The following NAALADL2 variants were observed in gnomAD, a reference collection of about 807,000 sequenced individuals.
NAALADL2 encodes inactive N-acetylated-alpha-linked acidic dipeptidase-like protein 2.
Under a neutral mutation model 87.2 loss-of-function variants are expected in NAALADL2, and 76 were observed. That is an observed-to-expected ratio of 0.87 (90% CI 0.72 to 1.05). The LOEUF (loss-of-function observed/expected upper bound fraction) is 1.05. Ranked by LOEUF, NAALADL2 falls within the 50% of genes least tolerant of loss-of-function variation. NAALADL2 has a pLI of 0.00. For missense variants in NAALADL2, 1,089 were observed against 945.8 expected (o/e 1.15, Z -1.99); for synonymous variants, 354 against 331.0 (o/e 1.07, Z -0.75).
intron 2 of NAALADL2, among the ~76,000 whole-genome samples, chr3:174,591,002 C>G (rs973387304): frequency 3.3e-5 from 5 of 152,122 alleles, no homozygotes; most frequent in African/African-American, 1.2e-4. Flanking sequence ...AATAATACAA[C>G]CACAGCAACA....
intron 2 of NAALADL2, among the ~76,000 whole-genome samples, chr3:174,551,631 T>A (rs1712139451): frequency 6.6e-6 from 1 of 152,194 alleles, no homozygotes; most frequent in African/African-American, 2.4e-5. Context: ...AACTACTATA[T>A]TATTTCGTGA....
At chr3:174,529,647 A>G (rs1207198012) in intron 1 of NAALADL2, among the ~76,000 whole-genome samples, 1 of 152,134 alleles carries the variant, frequency 6.6e-6, no homozygotes, top group Non-Finnish European at 1.5e-5. Flanking sequence ...ATTTTCATAC[A>G]TCCTTTGAAA....
chr3:175,763,737 G>A (rs536737652), intron 13 of NAALADL2, among the ~76,000 whole-genome samples: 58 of 152,242 alleles, frequency 3.8e-4, no homozygotes, highest in Non-Finnish European at 6.3e-4. Context: ...CATTAAGAGG[G>A]CACATCTCCA....
intron 1 of NAALADL2, among the ~76,000 whole-genome samples, chr3:175,003,007 TC>T (rs1218661252): frequency 2.6e-5 from 4 of 152,202 alleles, no homozygotes; most frequent in African/African-American, 4.8e-5. Context: ...ACAAGGGACA[TC>T]TTTTCTGATT....
chr3:175,493,000 A>G (rs1479016528), intron 9 of NAALADL2, among the ~76,000 whole-genome samples: 1 of 152,066 alleles, frequency 6.6e-6, no homozygotes, highest in African/African-American at 2.4e-5. Flanking sequence ...TATGTTTATA[A>G]CAGATATTTA....
intron 9 of NAALADL2, among the ~76,000 whole-genome samples, chr3:175,493,750 G>T (rs541571635): frequency 6.6e-6 from 1 of 152,194 alleles, no homozygotes; most frequent in East Asian, 1.9e-4. Flanking sequence ...TTTTCAATCT[G>T]CTAGTACAAG....
intron 1 of NAALADL2, among the ~76,000 whole-genome samples, chr3:174,926,349 C>T (rs1218537932): frequency 1.3e-5 from 2 of 152,074 alleles, no homozygotes; most frequent in Admixed American, 1.3e-4. Context: ...TCAGGAAATA[C>T]AGAGAACGCC....
Position 175,616,371 on chromosome 3 carries a change from G to T in NAALADL2, c.1801-10920G>T, listed in dbSNP as rs1053558938. The stretch of plus-strand genomic sequence containing the variant: ...TATTGCTATCACTATTAAATCAGTA[G>T]TACTCACGTTTAAAAAATCTACATA... On this transcript the variant is annotated intron_variant, in intron 10 of 13. Coordinates refer to ENST00000454872, the MANE Select transcript of NAALADL2 (RefSeq NM_207015.3). Among the ~76,000 whole-genome samples the T allele has an allele frequency of 1.1e-4, 17 of 151,248 alleles. No individual in the cohort carries two copies. The South Asian group carries it at 3.3e-3, about 30-fold the overall frequency.
At chr3:175,532,295 T>C (rs980011921) in intron 9 of NAALADL2, among the ~76,000 whole-genome samples, 3 of 152,206 alleles carry the variant, frequency 2.0e-5, no homozygotes, top group African/African-American at 7.2e-5. Context: ...GTCTGATCAC[T>C]TCCCTTTTCC....
At chr3:174,646,671 T>C (rs1431015747) in intron 2 of NAALADL2, among the ~76,000 whole-genome samples, 5 of 152,148 alleles carry the variant, frequency 3.3e-5, no homozygotes, top group Admixed American at 3.3e-4. Flanking sequence ...TCTAGCACAG[T>C]AACTTTTCTT....
chr3:175,795,322 T>C (rs374860451), intron 13 of NAALADL2, among the ~76,000 whole-genome samples: 1 of 152,316 alleles, frequency 6.6e-6, no homozygotes. Context: ...CTGTTTGGCA[T>C]GATTTACTAA....
intron 1 of NAALADL2, among the ~76,000 whole-genome samples, chr3:174,958,027 C>T (rs1231295189): frequency 6.6e-6 from 1 of 151,912 alleles, no homozygotes; most frequent in Non-Finnish European, 1.5e-5. Flanking sequence ...CATACTCATC[C>T]TATGCATCGC....
chr3:174,797,305 C>CTTTTTCTTTTT (rs1718237636), intron 3 of NAALADL2, among the ~76,000 whole-genome samples: 22 of 72,702 alleles, frequency 3.0e-4, no homozygotes, highest in Non-Finnish European at 5.0e-4. Context: ...TTTCTTTTTT[C>CTTTTTCTTTTT]TTTTTTTTTT....
intron 10 of NAALADL2, among the ~76,000 whole-genome samples, chr3:175,578,125 C>A (rs1158453227): frequency 6.6e-6 from 1 of 151,954 alleles, no homozygotes; most frequent in Non-Finnish European, 1.5e-5. Flanking sequence ...AAATCCGTAT[C>A]TTATTAAAAA....
At chr3:175,596,019 T>A (rs1386114990) in intron 10 of NAALADL2, among the ~76,000 whole-genome samples, 1 of 152,082 alleles carries the variant, frequency 6.6e-6, no homozygotes, top group Non-Finnish European at 1.5e-5. Flanking sequence ...CTCCATTTTT[T>A]AATTCCTTTT....
chr3:174,778,768 G>C (rs1715559990), intron 3 of NAALADL2, among the ~76,000 whole-genome samples: 1 of 152,048 alleles, frequency 6.6e-6, no homozygotes, highest in South Asian at 2.1e-4. Flanking sequence ...TGAAAATGAT[G>C]GTTTCCAGCT....
intron 3 of NAALADL2, among the ~76,000 whole-genome samples, chr3:174,748,310 C>A (rs1450471725): frequency 1.4e-5 from 2 of 146,608 alleles, no homozygotes; most frequent in African/African-American, 2.5e-5. Context: ...TATGCTAGAA[C>A]TTAAAAATAA....
At chr3:175,528,937 C>T in intron 9 of NAALADL2, among the ~76,000 whole-genome samples, 1 of 152,210 alleles carries the variant, frequency 6.6e-6, no homozygotes, top group East Asian at 1.9e-4. Context: ...GTATTGATGA[C>T]TACCTTCTTC....
At chr3:174,518,604 A>G (rs1255123739) in intron 1 of NAALADL2, among the ~76,000 whole-genome samples, 1 of 152,124 alleles carries the variant, frequency 6.6e-6, no homozygotes, top group African/African-American at 2.4e-5. Flanking sequence ...TCACCTTAAC[A>G]TGACCTGTAA....
Sources: gnomAD v4.1 joint callset for allele counts (sites outside exome capture counted in the v4.1 genomes callset) on GRCh38, gnomAD v4.1.1 for gene constraint, MANE v1.5 for transcripts, NCBI Gene and HGNC (gene_info 2026-07-23, HGNC 2026-07-21) for gene names.